TTC29: variants seen among roughly 807,000 people sequenced by gnomAD.
The protein encoded by TTC29 is tetratricopeptide repeat domain 29, also known as tetratricopeptide repeat protein 29.
In TTC29, 49 loss-of-function variants were observed where a neutral mutation model predicts 58.1. The ratio of observed to expected loss-of-function variants is 0.84; its 90% CI spans 0.67 to 1.07. The LOEUF (loss-of-function observed/expected upper bound fraction) is 1.07. TTC29 is among the 50% of genes least tolerant of loss of function. The pLI is 0.00. For missense variants in TTC29, 582 were observed against 555.6 expected, an observed-to-expected ratio of 1.05 and a Z score of -0.48; for synonymous variants, 209 against 196.8, an observed-to-expected ratio of 1.06 and a Z score of -0.52.
intron 8 of TTC29, among the ~76,000 whole-genome samples, chr4:146,865,391 A>G (rs1730498128): frequency 6.6e-6 from 1 of 152,160 alleles, no homozygotes; most frequent in Admixed American, 6.6e-5. Flanking sequence ...TATCATGTAG[A>G]CCCCTTAAGA....
intron 4 of TTC29, among the ~76,000 whole-genome samples, chr4:146,911,188 G>C (rs1037731535): frequency 1.3e-5 from 2 of 152,188 alleles, no homozygotes; most frequent in Non-Finnish European, 2.9e-5. Flanking sequence ...AACCAACCCT[G>C]TAATTGCCCA....
At chr4:146,754,045 A>T (rs922153548) in intron 11 of TTC29, among the ~76,000 whole-genome samples, 1 of 152,150 alleles carries the variant, frequency 6.6e-6, no homozygotes, top group African/African-American at 2.4e-5. Flanking sequence ...CCTAAAACTT[A>T]AAGTATAATA....
At chr4:146,821,635 A>T (rs554764483) in intron 9 of TTC29, among the ~76,000 whole-genome samples, 1 of 152,314 alleles carries the variant, frequency 6.6e-6, no homozygotes, top group Non-Finnish European at 1.5e-5. Flanking sequence ...CAATGAAGTA[A>T]TGTTGAAAAT....
intron 11 of TTC29, among the ~76,000 whole-genome samples, chr4:146,775,562 G>T (rs62328021): frequency 2.1e-4 from 31 of 147,650 alleles, no homozygotes; most frequent in South Asian, 4.3e-4. Context: ...TTTTTTTTAA[G>T]AATGCTGAAT....
At chr4:146,823,161 G>C (rs903462373) in intron 9 of TTC29, among the ~76,000 whole-genome samples, 1 of 152,112 alleles carries the variant, frequency 6.6e-6, no homozygotes, top group Admixed American at 6.5e-5. Context: ...TGGTGTTTTT[G>C]CCATGACGTC....
chr4:146,923,359 A>G (rs113574497), intron 4 of TTC29, among the ~76,000 whole-genome samples: 1 of 151,770 alleles, frequency 6.6e-6, no homozygotes, highest in Non-Finnish European at 1.5e-5. Flanking sequence ...AGAGAAGTCA[A>G]TAAATCGAAA....
At chr4:146,739,347 G>A (rs145419921) in intron 11 of TTC29, among the ~76,000 whole-genome samples, 9 of 152,236 alleles carry the variant, frequency 5.9e-5, no homozygotes, top group Admixed American at 3.3e-4. Context: ...TCACCCTGAC[G>A]TCATTCCTTA....
At chr4:146,857,765 C>A (rs1729965508) in intron 8 of TTC29, among the ~76,000 whole-genome samples, 1 of 101,464 alleles carries the variant, frequency 9.9e-6, no homozygotes, top group African/African-American at 6.1e-5. Flanking sequence ...GTTTAATGGG[C>A]AATGAGTAGC....
chr4:146,876,126 T>C (rs68138280), intron 6 of TTC29, among the ~76,000 whole-genome samples: 8,149 of 152,262 alleles, frequency 0.054, 340 homozygotes, highest in East Asian at 0.13. Context: ...TAATTACTAC[T>C]CTCTCTGTGC....
chr4:146,901,668 A>G (rs1302878564), intron 6 of TTC29, among the ~76,000 whole-genome samples: 1 of 151,794 alleles, frequency 6.6e-6, no homozygotes, highest in Non-Finnish European at 1.5e-5. Context: ...TCCCTCTGGA[A>G]CCCCTTTCTT....
chr4:146,737,518 T>G lies in TTC29; in HGVS notation c.1331-29967A>C, dbSNP rs144158198. Among the ~76,000 whole-genome samples the G allele has an allele frequency of 4.9e-5, 7 of 143,910 alleles. 1 individual carries two copies. In the East Asian group the frequency reaches 1.4e-3, roughly 30 times the overall value. The allele number at this position is 143,910 out of a possible 152,430, so 94.4% of individuals were successfully genotyped here. A position where few individuals can be genotyped will look rare whatever the true frequency, so the allele number is the denominator to read the frequency against. ...CAGCGAGAGAGATAGAGACTGCTGA[T>G]GACTACGGGGCAGATTATCTGGTCG... On this transcript the variant is annotated intron_variant, in intron 11 of 12. Transcript: ENST00000325106.
At chr4:146,937,732 C>T in intron 3 of TTC29, 55 bp from the exon 4 acceptor site, 1 of 1,042,190 alleles carries the variant, frequency 9.6e-7, no homozygotes, top group Non-Finnish European at 1.4e-6. Context: ...TGAAAAGCTA[C>T]CAAACACATA....
At chr4:146,744,650 T>C (rs1446999008) in intron 11 of TTC29, among the ~76,000 whole-genome samples, 3 of 152,156 alleles carry the variant, frequency 2.0e-5, no homozygotes, top group Admixed American at 2.0e-4. Flanking sequence ...CTGAGCAGGA[T>C]GGGTGGCAGC....
At chr4:146,744,397 G>A (rs771579830) in intron 11 of TTC29, among the ~76,000 whole-genome samples, 3 of 151,992 alleles carry the variant, frequency 2.0e-5, no homozygotes, top group African/African-American at 7.2e-5. Context: ...GGAGGAGGAT[G>A]AGGAAAGAAG....
At chr4:146,714,591 A>G (rs1383807696) in intron 11 of TTC29, among the ~76,000 whole-genome samples, 1 of 151,584 alleles carries the variant, frequency 6.6e-6, no homozygotes, top group Non-Finnish European at 1.5e-5. Context: ...TTAAAGTACG[A>G]AAAGAAAAAG....
chr4:146,772,787 T>C (rs967387077), intron 11 of TTC29, among the ~76,000 whole-genome samples: 1 of 152,144 alleles, frequency 6.6e-6, no homozygotes, highest in African/African-American at 2.4e-5. Flanking sequence ...TTGACAGGAA[T>C]AGCATTGAAT....
chr4:146,832,647 G>A (rs112243258), intron 9 of TTC29, among the ~76,000 whole-genome samples: 18 of 151,950 alleles, frequency 1.2e-4, no homozygotes, highest in African/African-American at 4.3e-4. Flanking sequence ...AATTTTGTGT[G>A]TGTGTGTGTG....
intron 11 of TTC29, among the ~76,000 whole-genome samples, chr4:146,729,622 A>G (rs1744180326): frequency 6.6e-6 from 1 of 152,148 alleles, no homozygotes; most frequent in Non-Finnish European, 1.5e-5. Context: ...TCCTACTGCT[A>G]TAAAGAACTG....
At chr4:146,739,611 C>A (rs1401450595) in intron 11 of TTC29, among the ~76,000 whole-genome samples, 1 of 152,200 alleles carries the variant, frequency 6.6e-6, no homozygotes, top group Non-Finnish European at 1.5e-5. Context: ...ATTTTCAGCA[C>A]TGTCTAGAAA....
Sources: gnomAD v4.1 joint callset for allele counts (sites outside exome capture counted in the v4.1 genomes callset) on GRCh38, gnomAD v4.1.1 for gene constraint, MANE v1.5 for transcripts, NCBI Gene and HGNC (gene_info 2026-07-23, HGNC 2026-07-21) for gene names.